Variants in IAH1 observed in about 807,000 individuals in gnomAD.
The protein encoded by IAH1 is isoamyl acetate hydrolyzing esterase 1 (putative), also known as isoamyl acetate-hydrolyzing esterase 1 homolog.
Under a neutral mutation model 26.7 loss-of-function variants are expected in IAH1, and 24 were observed. The ratio of observed to expected loss-of-function variants is 0.90; its 90% CI spans 0.65 to 1.26. The LOEUF (loss-of-function observed/expected upper bound fraction) is 1.26. Among genes scored for constraint, IAH1 ranks in the 50% most tolerant of loss-of-function variants. The probability of loss-of-function intolerance (pLI) is 0.00; values close to 1 mark genes in which losing one functional copy is unlikely to be tolerated. For missense variants in IAH1, 300 were observed against 299.9 expected (o/e 1.00, Z 0.00); for synonymous variants, 140 against 118.5 (o/e 1.18, Z -1.18).
At chr2:9,502,617 A>G in the IAH1 span, among the ~76,000 whole-genome samples, 2 of 151,992 alleles carry the variant, frequency 1.3e-5, no homozygotes, top group Admixed American at 1.3e-4. Context: ...CACACCTATA[A>G]TCCCAACCCA....
the IAH1 span, chr2:9,512,324 T>C: frequency 6.6e-6 from 1 of 152,108 alleles, no homozygotes; most frequent in Non-Finnish European, 1.5e-5. Flanking sequence ...AAGAGGAAAG[T>C]TCTGGAAGAC....
At chr2:9,503,837 CAAAAAA>C in the IAH1 span, among the ~76,000 whole-genome samples, 1 of 124,812 alleles carries the variant, frequency 8.0e-6, no homozygotes. Flanking sequence ...GACTCCGTCT[CAAAAAA>C]AAAAAAAAAG....
the IAH1 span, chr2:9,502,070 T>G: frequency 9.6e-7 from 1 of 1,043,246 alleles, no homozygotes; most frequent in Non-Finnish European, 1.4e-6. Flanking sequence ...CATATGAGAT[T>G]AAAAATAAGG....
rs768310773 is a variant in IAH1 at position 9,475,999 on chromosome 2, C to A, written c.94C>A (p.Gln32Lys). The change falls in exon 2 of 6, where the codon CAG (glutamine) becomes AAG (lysine). Residue 32 changes from glutamine (Q) to lysine (K), a missense_variant. Physicochemically the swap from Gln to Lys is moderately conservative, Grantham distance 53. Transcript: ENST00000497473. Reference protein sequence around the residue: ...GDSITQFSFQQGGWGASLADR... With the variant: ...GDSITQFSFQKGGWGASLADR... ...TTTCTTCCTCCAGTTTTCCTTCCAG[C>A]AGGGTGGATGGGGAGCATCGCTGGC... The A allele has an allele frequency of 9.9e-6, 16 of 1,613,626 alleles. No individual in the cohort carries two copies. Among genetic ancestry groups the A allele is most frequent in the South Asian group, 2.2e-5 (2 of 91,028 alleles).
chr2:9,491,260 T>A (rs1385728080), downstream of IAH1: 17 of 970,304 alleles, frequency 1.8e-5, no homozygotes, highest in Non-Finnish European at 2.6e-5. Flanking sequence ...AGAACCTGAG[T>A]TGTAGAAAGT....
intron 5 of IAH1, chr2:9,485,268 G>A (rs750336635): frequency 1.3e-5 from 2 of 152,310 alleles, no homozygotes; most frequent in Non-Finnish European, 2.9e-5. Context: ...GCGCAGCAAC[G>A]TGGGTGACTC....
chr2:9,482,343 C>T (rs576400570), intron 4 of IAH1, among the ~76,000 whole-genome samples: 216 of 152,278 alleles, frequency 1.4e-3, no homozygotes, highest in Non-Finnish European at 2.5e-3. Context: ...GTTTTCTAAG[C>T]TGCCCAGAAC....
chr2:9,491,084 T>G (rs1167969735), downstream of IAH1: 1 of 1,608,952 alleles, frequency 6.2e-7, no homozygotes, highest in South Asian at 1.1e-5. Context: ...TATGTTTCTT[T>G]CATATGGTAT....
downstream of IAH1, chr2:9,491,205 G>T: frequency 1.3e-6 from 2 of 1,525,254 alleles, no homozygotes; most frequent in Non-Finnish European, 1.8e-6. Flanking sequence ...CAGTTAGTGA[G>T]TACTATTTCA....
chr2:9,477,283 C>T (rs759485040), intron 2 of IAH1, among the ~76,000 whole-genome samples: 1 of 152,030 alleles, frequency 6.6e-6, no homozygotes, highest in Non-Finnish European at 1.5e-5. Flanking sequence ...AGCTTCTCTG[C>T]TTGGTTATGC....
the IAH1 span, among the ~76,000 whole-genome samples, chr2:9,509,035 G>A: frequency 6.6e-6 from 1 of 152,048 alleles, no homozygotes; most frequent in African/African-American, 2.4e-5. Flanking sequence ...AAAAAGAACA[G>A]GAGGCAGAAA....
In IAH1 at chr2:9,474,701, G is replaced by A. The variant is rs2124887578; in HGVS notation, c.81+54G>A. On this transcript the variant is annotated intron_variant, in intron 1 of 5. Transcript: ENST00000497473. The surrounding 1 kb of genome is among the most constrained non-coding windows in gnomAD (Gnocchi z 4.3). ...GCCCCGGCCTCCCTGCGGGGTCGCT[G>A]CCGAGCAGGCCGAGGCTCCTCGCCG... 3.0e-6 allele frequency: 4 copies of A among 1,317,862 alleles called. No homozygotes were observed. The highest frequency in any genetic ancestry group is 5.7e-5 in the East Asian group (2 of 34,900). 81.6% of individuals were successfully genotyped at this position (1,317,862 alleles called of 1,614,324 possible).
At chr2:9,475,884 A>G in intron 1 of IAH1, 103 bp from the exon 2 acceptor site, 1 of 961,734 alleles carries the variant, frequency 1.0e-6, no homozygotes. Context: ...AATCAAAGCC[A>G]AGAAGGGAGC....
At chr2:9,490,094 AC>A, downstream of IAH1, 1 of 1,314,546 alleles carries the variant, frequency 7.6e-7, no homozygotes, top group Non-Finnish European at 1.0e-6. Flanking sequence ...CCCAGTCTTC[AC>A]AAAATACAAG....
chr2:9,497,136 C>T, downstream of IAH1: 1 of 1,614,158 alleles, frequency 6.2e-7, no homozygotes, highest in Non-Finnish European at 8.5e-7. Flanking sequence ...AGGACTCCAG[C>T]TGCTGTTCCC....
chr2:9,495,684 A>G (rs996338727), intron 6 of IAH1, among the ~76,000 whole-genome samples: 23 of 149,072 alleles, frequency 1.5e-4, no homozygotes, highest in African/African-American at 5.0e-4. Context: ...ACTGCACTCC[A>G]GCCTGGGCGA....
At chr2:9,491,038 G>C (rs1404352672), downstream of IAH1, 10 of 1,461,746 alleles carry the variant, frequency 6.8e-6, no homozygotes, top group Non-Finnish European at 9.5e-6. Flanking sequence ...TCAGGTGAAG[G>C]TCTTTGCCTA....
At chr2:9,505,438 T>C in the IAH1 span, 1 of 1,439,970 alleles carries the variant, frequency 6.9e-7, no homozygotes, top group East Asian at 2.3e-5. Context: ...GTTTGTGTCT[T>C]CTCTAGAGAC....
chr2:9,501,579 T>A, the IAH1 span, among the ~76,000 whole-genome samples: 1 of 152,192 alleles, frequency 6.6e-6, no homozygotes, highest in African/African-American at 2.4e-5. Context: ...CTAAACAATA[T>A]GTAGGTGTCC....
Sources: gnomAD v4.1 joint callset for allele counts (sites outside exome capture counted in the v4.1 genomes callset) on GRCh38, gnomAD v4.1.1 for gene constraint, Gnocchi (gnomAD v3.1) non-coding constraint, MANE v1.5 for transcripts, NCBI Gene and HGNC (gene_info 2026-07-23, HGNC 2026-07-21) for gene names.